NRXN2: variants seen among roughly 807,000 people sequenced by gnomAD.
NRXN2 encodes neurexin-2-beta.
NRXN2 carries 29 observed loss-of-function variants against 128.8 expected under a neutral mutation model. The ratio of observed to expected loss-of-function variants is 0.23; its 90% confidence interval spans 0.17 to 0.31. NRXN2 has a LOEUF of 0.31. NRXN2 is among the 10% of genes least tolerant of loss of function. NRXN2 has a pLI of 1.00. For missense variants in NRXN2, 1,881 were observed against 2,452.6 expected, an observed-to-expected ratio of 0.77 and a Z score of 4.92; for synonymous variants, 1,098 against 1,075.2, an observed-to-expected ratio of 1.02 and a Z score of -0.41.
intron 6 of NRXN2, among the ~76,000 whole-genome samples, chr11:64,679,046 C>T (rs1414866650): frequency 6.6e-6 from 1 of 152,224 alleles, no homozygotes; most frequent in South Asian, 2.1e-4. Context: ...CAGGGGATAG[C>T]GTGTGGTAAG....
rs1444860670 is a variant in NRXN2, at chr11:64,630,605, G to A, written c.3586-32C>T. On this transcript the variant is annotated intron_variant, in intron 18 of 22. Transcript: ENST00000265459. The surrounding 1 kb of genome is among the most constrained non-coding windows in gnomAD (Gnocchi z 4.6). ...ACATGGAGGTGGAGGTCAGCGACCAGAGGGAGCAACCATTCATCCCTTCTA... is the reference window on the plus strand; with the variant it reads ...ACATGGAGGTGGAGGTCAGCGACCAAAGGGAGCAACCATTCATCCCTTCTA... 1 of 1,612,892 alleles carries A rather than the reference G, an allele frequency of 6.2e-7. No individual in the cohort carries two copies. The highest frequency in any genetic ancestry group is 1.3e-5 in the African/African-American group (1 of 74,926).
At position 64,690,404 on chromosome 11, in the gene NRXN2, C is replaced by A. The variant is rs1358116883; in HGVS notation, c.850+1G>T. 1 of 1,612,192 alleles carries A rather than the reference C, an allele frequency of 6.2e-7. No individual in the cohort carries two copies. The highest frequency in any genetic ancestry group is 8.5e-7 in the Non-Finnish European group (1 of 1,179,476). On this transcript the variant is annotated splice_donor_variant, in intron 5 of 22. Transcript: ENST00000265459. LOFTEE classifies it high-confidence loss of function. ...CTCTGGGGACCATGGGGGTCACTGACCTTTTGTTGGCTGGTGCACATCGCC... is the reference window on the plus strand; with the variant it reads ...CTCTGGGGACCATGGGGGTCACTGAACTTTTGTTGGCTGGTGCACATCGCC...
rs201452125 is a variant in NRXN2 at position 64,614,662 on chromosome 11, C to T, written c.4252+5632G>A. Reference sequence around the variant, plus strand: ...GCCTGCCTGCTGGATTTCCTCAGCGCTAGCAGCACACATTGGCCTGTGTGA... The same window carrying T: ...GCCTGCCTGCTGGATTTCCTCAGCGTTAGCAGCACACATTGGCCTGTGTGA... On this transcript the variant is annotated intron_variant, in intron 22 of 22. Coordinates refer to ENST00000265459, the MANE Select transcript of NRXN2 (RefSeq NM_015080.4). Among the ~76,000 whole-genome samples the T allele has an allele frequency of 2.6e-5, 4 of 152,392 alleles. No individual in the cohort carries two copies. The East Asian group carries it at 7.7e-4, about 29-fold the overall frequency.
intron 1 of NRXN2, among the ~76,000 whole-genome samples, chr11:64,717,440 C>T (rs1435661185): frequency 6.6e-6 from 1 of 152,212 alleles, no homozygotes; most frequent in Non-Finnish European, 1.5e-5. Flanking sequence ...CCCACCCTGC[C>T]CCTACCCACA....
chr11:64,632,409 A>G lies in NRXN2; in HGVS notation c.3586-1836T>C, dbSNP rs1187779758. Among the ~76,000 whole-genome samples the G allele has an allele frequency of 6.6e-6, 1 of 152,294 alleles. No individual in the cohort carries two copies. Among genetic ancestry groups the G allele is most frequent in the East Asian group, 1.9e-4 (1 of 5,188 alleles). ...AGCCCCACCCATTCACCACCCACAG[A>G]CTGACAACATCCCCAGGGAGACGGG... On this transcript the variant is annotated intron_variant, in intron 18 of 22. Transcript: ENST00000265459. The surrounding 1 kb of genome is among the most constrained non-coding windows in gnomAD (Gnocchi z 4.2).
At chr11:64,678,022 T>G (rs1396266053) in intron 6 of NRXN2, among the ~76,000 whole-genome samples, 1 of 152,168 alleles carries the variant, frequency 6.6e-6, no homozygotes, top group Non-Finnish European at 1.5e-5. Context: ...GGGTCATGGA[T>G]GCCTGCTTTT....
chr11:64,702,663 C>T (rs1204481830), intron 2 of NRXN2, among the ~76,000 whole-genome samples: 1 of 151,542 alleles, frequency 6.6e-6, no homozygotes, highest in Non-Finnish European at 1.5e-5. Context: ...ACAAACACTG[C>T]GGAAGGCCGC....
Position 64,622,014 on chromosome 11 carries a change from G to T in NRXN2, c.4173+739C>A, listed in dbSNP as rs1221710117. 1.3e-5 allele frequency among the ~76,000 whole-genome samples: 2 copies of T among 152,074 alleles called. No homozygotes were observed. Among genetic ancestry groups the T allele is most frequent in the Non-Finnish European group, 2.9e-5 (2 of 67,996 alleles). On this transcript the variant is annotated intron_variant, in intron 21 of 22. Transcript: ENST00000265459. This position sits in a 1 kb window ranked among gnomAD's most constrained non-coding sequence, Gnocchi z 4.3. Reference sequence around the variant, plus strand: ...CCCCTCCTCCCTACCAGTCTGTGCTGCAGGAAGCCTGGGACTAGGCTAGCT... The same window carrying T: ...CCCCTCCTCCCTACCAGTCTGTGCTTCAGGAAGCCTGGGACTAGGCTAGCT...
At position 64,713,550 on chromosome 11, in the gene NRXN2, G is replaced by A. The variant is rs753796347; in HGVS notation, c.150C>T (p.Ser50=). The change falls in exon 2 of 23, where the codon AGC becomes AGT. Residue 50 remains serine, a synonymous_variant. Coordinates refer to ENST00000265459, the MANE Select transcript of NRXN2 (RefSeq NM_015080.4). ...TGCGCAGGCTGAAGCTGAGCTCGCCGCTGCTCGCCGCGCCCGCCCAGCGCG... is the reference window on the plus strand; with the variant it reads ...TGCGCAGGCTGAAGCTGAGCTCGCCACTGCTCGCCGCGCCCGCCCAGCGCG... ...RYARWAGAAS[S]GELSFSLRTN... The A allele has an allele frequency of 2.8e-6, 4 of 1,440,098 alleles. No homozygotes were observed. Among genetic ancestry groups the A allele is most frequent in the South Asian group, 2.7e-5 (2 of 74,404 alleles). 89.2% of individuals were successfully genotyped at this position (1,440,098 alleles called of 1,614,324 possible).
intron 22 of NRXN2, among the ~76,000 whole-genome samples, chr11:64,614,133 A>G (rs1472141580): frequency 2.0e-5 from 3 of 152,224 alleles, no homozygotes; most frequent in Non-Finnish European, 2.9e-5. Flanking sequence ...CACTGCTTCC[A>G]AACAGTAAGA....
At position 64,635,181 on chromosome 11, in the gene NRXN2, C is replaced by G. The variant is rs534672036; in HGVS notation, c.3585+90G>C. ...TCTGAGGGTTCCCCATGAGGGAAGA[C>G]TTGAGGTGCTGATCCCATGGCAATG... On this transcript the variant is annotated intron_variant, in intron 18 of 22. Coordinates refer to ENST00000265459, the MANE Select transcript of NRXN2 (RefSeq NM_015080.4). This position sits in a 1 kb window ranked among gnomAD's most constrained non-coding sequence, Gnocchi z 4.8. 468 of 1,445,812 alleles carry G rather than the reference C, an allele frequency of 3.2e-4. No homozygotes were observed. Among genetic ancestry groups the G allele is most frequent in the Non-Finnish European group, 4.0e-4 (411 of 1,031,234 alleles). The allele number at this position is 1,445,812 out of a possible 1,614,324, so 89.6% of individuals were successfully genotyped here. A position where few individuals can be genotyped will look rare whatever the true frequency, so the allele number is the denominator to read the frequency against.
chr11:64,651,707 C>A lies in NRXN2; in HGVS notation c.2537-71G>T, dbSNP rs988926130. The A allele has an allele frequency of 1.3e-6, 2 of 1,569,166 alleles. No individual in the cohort carries two copies. Among genetic ancestry groups the A allele is most frequent in the African/African-American group, 1.3e-5 (1 of 74,150 alleles). On this transcript the variant is annotated intron_variant, in intron 13 of 22. Coordinates refer to ENST00000265459, the MANE Select transcript of NRXN2 (RefSeq NM_015080.4). This position sits in a 1 kb window ranked among gnomAD's most constrained non-coding sequence, Gnocchi z 5.9. ...GGGCTGGGGCTTGGGTTCCCAGGAG[C>A]CTCCCCTCCACAGGAGGGCCACCCA...
chr11:64,718,359 C>T (rs2057351565), intron 1 of NRXN2, among the ~76,000 whole-genome samples: 1 of 152,200 alleles, frequency 6.6e-6, no homozygotes, highest in South Asian at 2.1e-4. Context: ...CTCTCCTCTC[C>T]TCACGCCAGC....
At chr11:64,609,717 G>A (rs1038611973) in intron 22 of NRXN2, among the ~76,000 whole-genome samples, 18 of 152,188 alleles carry the variant, frequency 1.2e-4, no homozygotes, top group African/African-American at 4.3e-4. Context: ...GTGGCTGGTG[G>A]GAGGACTTGC....
intron 2 of NRXN2, among the ~76,000 whole-genome samples, chr11:64,700,092 C>A (rs1227636955): frequency 6.6e-6 from 1 of 152,172 alleles, no homozygotes; most frequent in African/African-American, 2.4e-5. Flanking sequence ...TTCACCTATG[C>A]CCCTCACCTG....
rs2048855841 is a variant in NRXN2 at position 64,660,376 on chromosome 11, C to T, written c.2345G>A (p.Arg782His). ...TTSRESADTL[R>H]LELDGGQMKL... Reference sequence around the variant, plus strand: ...CATCTGCCCCCCATCCAGCTCCAGGCGTAGGGTGTCGGCAGACTCCCTGGA... The same window carrying T: ...CATCTGCCCCCCATCCAGCTCCAGGTGTAGGGTGTCGGCAGACTCCCTGGA... The change falls in exon 11 of 23, where the codon CGC becomes CAC. Residue 782 changes from arginine to histidine, a missense_variant. Around this residue, in one of 7 missense-constraint regions of NRXN2, gnomAD observed 997 missense variants for 1,240.8 expected, o/e 0.80. Transcript: ENST00000265459. The surrounding 1 kb of genome is among the most constrained non-coding windows in gnomAD (Gnocchi z 5.2). 1.9e-6 allele frequency: 3 copies of T among 1,614,102 alleles called. No homozygotes were observed. Among genetic ancestry groups the T allele is most frequent in the South Asian group, 2.2e-5 (2 of 91,084 alleles).
intron 1 of NRXN2, among the ~76,000 whole-genome samples, chr11:64,717,438 GC>G (rs2057332297): frequency 2.6e-5 from 4 of 152,170 alleles, no homozygotes; most frequent in Non-Finnish European, 5.9e-5. Flanking sequence ...CTCCCACCCT[GC>G]CCCTACCCAC....
chr11:64,648,177 C>T lies in NRXN2; in HGVS notation c.3403+42G>A. ...GCAGCCCCTATGGCTGGGAATGGAC[C>T]CTGGTCTCCCCAAACTGCCCCCAGC... On this transcript the variant is annotated intron_variant, in intron 17 of 22. Transcript: ENST00000265459. The surrounding 1 kb of genome is among the most constrained non-coding windows in gnomAD (Gnocchi z 4.1). 6.2e-7 allele frequency: 1 copy of T among 1,613,792 alleles called. No homozygotes were observed. Among genetic ancestry groups the T allele is most frequent in the Non-Finnish European group, 8.5e-7 (1 of 1,179,954 alleles).
intron 17 of NRXN2, among the ~76,000 whole-genome samples, chr11:64,641,216 G>A (rs1282552205): frequency 2.0e-5 from 3 of 152,098 alleles, no homozygotes; most frequent in Admixed American, 1.3e-4. Flanking sequence ...GTGAGGTGTT[G>A]AGAGCACAGG....
Sources: gnomAD v4.1 joint callset for allele counts (sites outside exome capture counted in the v4.1 genomes callset) on GRCh38, gnomAD v4.1.1 for gene constraint, gnomAD v4.1.1 regional missense constraint, Gnocchi (gnomAD v3.1) non-coding constraint, MANE v1.5 for transcripts, NCBI Gene and HGNC (gene_info 2026-07-23, HGNC 2026-07-21) for gene names.